DOCK8: variants seen among roughly 807,000 people sequenced by gnomAD.
DOCK8 encodes the protein dedicator of cytokinesis protein 8.
DOCK8 carries 141 observed loss-of-function variants against 245.6 expected under a neutral mutation model. That is an observed-to-expected ratio of 0.57 (90% CI 0.50 to 0.66). DOCK8 has a LOEUF of 0.66. Among genes scored for constraint, DOCK8 ranks in the 30% least tolerant of loss-of-function variants. DOCK8 has a pLI of 0.00. For missense variants in DOCK8, 2,965 were observed against 2,603.4 expected (o/e 1.14, Z -3.02); for synonymous variants, 1,168 against 970.2 (o/e 1.20, Z -3.79).
intron 12 of DOCK8, among the ~76,000 whole-genome samples, chr9:337,485 G>C (rs2130903010): frequency 6.6e-6 from 1 of 152,154 alleles, no homozygotes; most frequent in Non-Finnish European, 1.5e-5. Flanking sequence ...AGTCTGGCTG[G>C]GCCATCTCCT....
chr9:362,319 A>G (rs1360026064), intron 14 of DOCK8, among the ~76,000 whole-genome samples: 1 of 152,234 alleles, frequency 6.6e-6, no homozygotes, highest in Non-Finnish European at 1.5e-5. Flanking sequence ...CCCCAACTTC[A>G]TGAACCCTAT....
intron 1 of DOCK8, among the ~76,000 whole-genome samples, chr9:220,129 C>T (rs2046849797): frequency 6.6e-6 from 1 of 152,152 alleles, no homozygotes; most frequent in Non-Finnish European, 1.5e-5. Context: ...CTTTATTTGT[C>T]TGATGTGTTC....
intron 1 of DOCK8, among the ~76,000 whole-genome samples, chr9:218,120 G>A: frequency 6.6e-6 from 1 of 152,244 alleles, no homozygotes; most frequent in East Asian, 1.9e-4. Context: ...TCCCTTACGT[G>A]CCTACCTATT....
At chr9:221,732 G>C (rs1209728048) in intron 1 of DOCK8, among the ~76,000 whole-genome samples, 8 of 151,582 alleles carry the variant, frequency 5.3e-5, no homozygotes, top group Non-Finnish European at 1.2e-4. Context: ...TGAGGCAGGA[G>C]AATCGCTTGA....
chr9:355,636 A>G (rs1489628013), intron 14 of DOCK8, among the ~76,000 whole-genome samples: 1 of 152,224 alleles, frequency 6.6e-6, no homozygotes, highest in Non-Finnish European at 1.5e-5. Context: ...AAGCCTGCAA[A>G]ATAGGGAAAA....
intron 4 of DOCK8, among the ~76,000 whole-genome samples, chr9:295,159 TAA>T (rs879941352): frequency 4.9e-5 from 7 of 142,306 alleles, no homozygotes; most frequent in Non-Finnish European, 4.6e-5. Flanking sequence ...GATTCTGTCT[TAA>T]AAAAAAAAAA....
intron 1 of DOCK8, among the ~76,000 whole-genome samples, chr9:246,800 G>C (rs1422652554): frequency 6.6e-6 from 1 of 151,540 alleles, no homozygotes; most frequent in Non-Finnish European, 1.5e-5. Flanking sequence ...ATTTATTTTA[G>C]AGATGAAGTC....
At chr9:340,366 A>G (rs781412661) in intron 14 of DOCK8, 45 bp downstream of exon 14, 1 of 1,611,978 alleles carries the variant, frequency 6.2e-7, no homozygotes, top group Non-Finnish European at 8.5e-7. Context: ...TTACACCATA[A>G]TCCCATAACT....
intron 12 of DOCK8, among the ~76,000 whole-genome samples, chr9:337,893 T>A (rs2051392282): frequency 6.6e-6 from 1 of 152,192 alleles, no homozygotes; most frequent in Admixed American, 6.5e-5. Context: ...CAGTGGCTCA[T>A]GCCTGTAATC....
chr9:343,917 G>T (rs143280879), intron 14 of DOCK8, among the ~76,000 whole-genome samples: 1 of 152,154 alleles, frequency 6.6e-6, no homozygotes, highest in Non-Finnish European at 1.5e-5. Flanking sequence ...TTCTCTACTC[G>T]TTCCTGCAAA....
In DOCK8 at chr9:238,696, T is replaced by A. The variant is rs547346061; in HGVS notation, c.53+23667T>A. The stretch of plus-strand genomic sequence containing the variant: ...CAAGAGTTAAGTTCCAGTACATATG[T>A]GATGGCATATTTCCAGTTACAAAAT... On this transcript the variant is annotated intron_variant, in intron 1 of 47. Coordinates refer to ENST00000432829, the MANE Select transcript of DOCK8 (RefSeq NM_203447.4). Among the ~76,000 whole-genome samples the A allele has an allele frequency of 1.5e-4, 23 of 152,294 alleles. No homozygotes were observed. The South Asian group carries it at 2.5e-3, about 16-fold the overall frequency.
Position 399,128 on chromosome 9 carries a change from T to A in DOCK8, c.3121-18T>A, listed in dbSNP as rs1183023956. 4.4e-6 allele frequency: 7 copies of A among 1,607,406 alleles called. No individual in the cohort carries two copies. In the East Asian group the frequency reaches 1.6e-4, roughly 36 times the overall value. On this transcript the variant is annotated intron_variant, in intron 25 of 47. Coordinates refer to ENST00000432829, the MANE Select transcript of DOCK8 (RefSeq NM_203447.4). ...AGAGTGTCCCACAAAATGATTTGGG[T>A]GTTTGTTTGTTTTTAAGGAAAATGA...
At chr9:383,661 C>T (rs4741842) in intron 22 of DOCK8, among the ~76,000 whole-genome samples, 136,993 of 148,394 alleles carry the variant, frequency 0.92, 63,212 homozygotes, top group South Asian at 0.97. Context: ...GATTGCACCA[C>T]TGCACTCCAG....
rs565134097 is a variant in DOCK8 at position 304,852 on chromosome 9, T to G, written c.528+148T>G. The G allele has an allele frequency of 3.5e-6, 4 of 1,143,222 alleles. No individual in the cohort carries two copies. The East Asian group carries it at 9.9e-5, about 28-fold the overall frequency. 70.8% of individuals were successfully genotyped at this position (1,143,222 alleles called of 1,614,324 possible). On this transcript the variant is annotated intron_variant, in intron 5 of 47. Coordinates refer to ENST00000432829, the MANE Select transcript of DOCK8 (RefSeq NM_203447.4). ...CCATCTGAGTCAGTGATTTTTTTTT[T>G]CAAACTTATTTGTAGCTGTAGAAAT...
intron 38 of DOCK8, 69 bp downstream of exon 38, chr9:434,044 CTAATG>C: frequency 9.2e-7 from 1 of 1,090,594 alleles, no homozygotes; most frequent in South Asian, 1.2e-5. Flanking sequence ...GGAGTTCTTA[CTAATG>C]TAATGATCAC....
At chr9:400,062 CT>C (rs1564011897) in intron 26 of DOCK8, among the ~76,000 whole-genome samples, 21 of 91,060 alleles carry the variant, frequency 2.3e-4, no homozygotes, top group African/African-American at 8.5e-4. Flanking sequence ...TCACCACCTC[CT>C]TCACCATCAC....
At chr9:312,708 C>G (rs532518960) in intron 6 of DOCK8, 137 of 342,062 alleles carry the variant, frequency 4.0e-4, no homozygotes, top group Non-Finnish European at 7.1e-4. Flanking sequence ...TTTATTGGAG[C>G]TGACTGACAA....
At chr9:234,629 C>T (rs527328068) in intron 1 of DOCK8, among the ~76,000 whole-genome samples, 6 of 152,306 alleles carry the variant, frequency 3.9e-5, no homozygotes, top group South Asian at 2.1e-4. Context: ...CTTCTCTTCT[C>T]ACTTCATTTC....
chr9:279,236 A>G (rs1198758697), intron 2 of DOCK8, among the ~76,000 whole-genome samples: 6 of 152,196 alleles, frequency 3.9e-5, no homozygotes, highest in Non-Finnish European at 8.8e-5. Context: ...GATTGCCAGG[A>G]AAGTTGAGTT....
Sources: allele counts gnomAD v4.1 joint callset (sites outside exome capture counted in the v4.1 genomes callset), GRCh38; gene constraint gnomAD v4.1.1; transcripts MANE v1.5; gene names NCBI Gene and HGNC (gene_info 2026-07-23, HGNC 2026-07-21).